RPTOR: variants seen among roughly 807,000 people sequenced by gnomAD.
RPTOR encodes the protein regulatory-associated protein of mTOR.
In RPTOR, 21 loss-of-function variants were observed where a neutral mutation model predicts 169.9. That is an observed-to-expected ratio of 0.12 (90% CI 0.09 to 0.18). The LOEUF is 0.18. Ranked by LOEUF, RPTOR falls within the 10% of genes least tolerant of loss-of-function variation. The pLI is 1.00. For missense variants in RPTOR, 1,133 were observed against 1,855.9 expected (o/e 0.61, Z 7.16); for synonymous variants, 732 against 753.2 (o/e 0.97, Z 0.46).
chr17:80,788,029 C>T (rs2067011397), intron 6 of RPTOR, among the ~76,000 whole-genome samples: 1 of 152,216 alleles, frequency 6.6e-6, no homozygotes, highest in African/African-American at 2.4e-5. Flanking sequence ...TTTAGCTTGT[C>T]ATCTGAAAGT....
At chr17:80,901,562 G>A (rs763250871) in intron 20 of RPTOR, among the ~76,000 whole-genome samples, 5 of 152,134 alleles carry the variant, frequency 3.3e-5, no homozygotes, top group African/African-American at 4.8e-5. Context: ...GGAAACCACC[G>A]TGCTTACCTA....
At chr17:80,665,638 A>G (rs1350103317) in intron 3 of RPTOR, among the ~76,000 whole-genome samples, 2 of 150,580 alleles carry the variant, frequency 1.3e-5, no homozygotes, top group Admixed American at 6.7e-5. Flanking sequence ...TCCGCCTCCC[A>G]GGTTCACGCC....
At chr17:80,610,348 A>T (rs984035275) in intron 1 of RPTOR, among the ~76,000 whole-genome samples, 1 of 152,230 alleles carries the variant, frequency 6.6e-6, no homozygotes, top group African/African-American at 2.4e-5. Context: ...AATTGTGTTC[A>T]TGGAATATGT....
intron 5 of RPTOR, among the ~76,000 whole-genome samples, chr17:80,750,624 C>T (rs563990318): frequency 6.6e-6 from 1 of 152,218 alleles, no homozygotes; most frequent in Non-Finnish European, 1.5e-5. Flanking sequence ...TGCAGGTCCA[C>T]GTCGTTCCTG....
At chr17:80,757,994 G>T (rs1393410424) in intron 6 of RPTOR, among the ~76,000 whole-genome samples, 3 of 152,154 alleles carry the variant, frequency 2.0e-5, no homozygotes, top group Non-Finnish European at 4.4e-5. Context: ...CCTGACTCAG[G>T]AGTTCATCCA....
At chr17:80,645,442 T>C (rs12947901) in intron 3 of RPTOR, among the ~76,000 whole-genome samples, 28,515 of 152,246 alleles carry the variant, frequency 0.19, 3,024 homozygotes, top group East Asian at 0.28. Context: ...GTCTCTGCTA[T>C]TAAAACTAGT....
At chr17:80,729,556 A>T (rs1342621797) in intron 4 of RPTOR, among the ~76,000 whole-genome samples, 1 of 152,224 alleles carries the variant, frequency 6.6e-6, no homozygotes, top group Non-Finnish European at 1.5e-5. Flanking sequence ...TCAGCAGATT[A>T]GTGTTACTAG....
At chr17:80,775,268 T>C (rs898811862) in intron 6 of RPTOR, among the ~76,000 whole-genome samples, 1 of 152,232 alleles carries the variant, frequency 6.6e-6, no homozygotes, top group African/African-American at 2.4e-5. Context: ...TGACTTGTTC[T>C]TAGTCTTCTT....
chr17:80,674,289 GT>G (rs202231829), intron 3 of RPTOR, among the ~76,000 whole-genome samples: 1 of 152,034 alleles, frequency 6.6e-6, no homozygotes. Flanking sequence ...TACGTGCATA[GT>G]TTTTTTTCTT....
Position 80,925,401 on chromosome 17 carries a change from A to T in RPTOR, c.2840A>T (p.His947Leu), listed in dbSNP as rs1315671083. ...TADDADDAAG[H>L]KSFISATVQT... ...GACGACGCGGACGATGCTGCTGGAC[A>T]CAAAAGTTTCATCTCCGCCACGGTG... Residue 947 changes from histidine (H) to leucine (L), a missense_variant, in exon 24 of 34, where the codon CAC becomes CTC. Physicochemically the swap from His to Leu is moderately conservative, Grantham distance 99. Around this residue, in one of 9 missense-constraint regions of RPTOR, gnomAD observed 410 missense variants for 623.7 expected, o/e 0.66. Coordinates refer to ENST00000306801, the MANE Select transcript of RPTOR (RefSeq NM_020761.3). 1.9e-6 allele frequency: 3 copies of T among 1,613,760 alleles called. No homozygotes were observed.
At chr17:80,625,668 A>AT (rs752796681) in intron 1 of RPTOR, 23 bp from the exon 2 acceptor site, 7 of 1,505,702 alleles carry the variant, frequency 4.6e-6, no homozygotes, top group East Asian at 4.5e-5. Flanking sequence ...ATATTTATTT[A>AT]TTTTTTTCTG....
intron 6 of RPTOR, among the ~76,000 whole-genome samples, chr17:80,759,348 G>A (rs2066712164): frequency 6.6e-6 from 1 of 152,122 alleles, no homozygotes; most frequent in African/African-American, 2.4e-5. Context: ...TAGGAGTTAG[G>A]ACATAGTCAG....
At chr17:80,924,243 G>A (rs1447013113) in intron 23 of RPTOR, 5 of 152,548 alleles carry the variant, frequency 3.3e-5, no homozygotes, top group African/African-American at 1.2e-4. Flanking sequence ...GTGGCAGCTG[G>A]TCCGGAGACC....
intron 1 of RPTOR, among the ~76,000 whole-genome samples, chr17:80,616,298 CTTTTTTTTTTTT>C: frequency 8.8e-6 from 1 of 113,298 alleles, no homozygotes. Flanking sequence ...AATTGAAAAT[CTTTTTTTTTTTT>C]TTTTTTTTTG....
chr17:80,902,316 T>C (rs1390024397), intron 20 of RPTOR, among the ~76,000 whole-genome samples: 1 of 152,224 alleles, frequency 6.6e-6, no homozygotes, highest in African/African-American at 2.4e-5. Context: ...TTCAGCCTCC[T>C]GCCCCCCGTC....
chr17:80,931,439 A>G (rs1026611316), intron 24 of RPTOR, among the ~76,000 whole-genome samples: 1 of 152,128 alleles, frequency 6.6e-6, no homozygotes, highest in African/African-American at 2.4e-5. Context: ...AGAATCTCAA[A>G]CCTTTGGGAG....
At chr17:80,831,572 C>T (rs1567936682) in intron 9 of RPTOR, among the ~76,000 whole-genome samples, 1 of 152,228 alleles carries the variant, frequency 6.6e-6, no homozygotes, top group Non-Finnish European at 1.5e-5. Flanking sequence ...TCATGCATGA[C>T]TTTATCACTG....
intron 17 of RPTOR, among the ~76,000 whole-genome samples, chr17:80,886,167 G>C (rs1372524100): frequency 6.6e-6 from 1 of 152,254 alleles, no homozygotes; most frequent in East Asian, 1.9e-4. Flanking sequence ...GACGGGCCGT[G>C]GTCCAGGGGC....
intron 4 of RPTOR, among the ~76,000 whole-genome samples, chr17:80,717,675 G>A (rs1360240231): frequency 6.6e-6 from 1 of 152,162 alleles, no homozygotes; most frequent in Non-Finnish European, 1.5e-5. Context: ...TACACTGTCG[G>A]TACACAATGT....
Sources: gnomAD v4.1 joint callset for allele counts (sites outside exome capture counted in the v4.1 genomes callset) on GRCh38, gnomAD v4.1.1 for gene constraint, gnomAD v4.1.1 regional missense constraint, MANE v1.5 for transcripts, NCBI Gene and HGNC (gene_info 2026-07-23, HGNC 2026-07-21) for gene names.